Variants in NPSR1 observed in about 807,000 individuals in gnomAD.
The protein encoded by NPSR1 is neuropeptide S receptor.
Under a neutral mutation model 46.9 loss-of-function variants are expected in NPSR1, and 48 were observed. That is an observed-to-expected ratio of 1.02 (90% CI 0.81 to 1.30). NPSR1 has a LOEUF of 1.30. Among genes scored for constraint, NPSR1 ranks in the 50% most tolerant of loss-of-function variants. The probability of loss-of-function intolerance (pLI) is 0.00; values close to 1 mark genes in which losing one functional copy is unlikely to be tolerated. For synonymous variants in NPSR1, 176 were observed against 168.1 expected, an observed-to-expected ratio of 1.05 and a Z score of -0.36; for missense variants, 450 against 449.5, an observed-to-expected ratio of 1.00 and a Z score of -0.01.
intron 2 of NPSR1, among the ~76,000 whole-genome samples, chr7:34,732,340 C>T (rs1468665184): frequency 6.6e-6 from 1 of 152,134 alleles, no homozygotes; most frequent in Non-Finnish European, 1.5e-5. Context: ...GCCCAGCTCC[C>T]TTTCTCACTC....
chr7:34,676,109 A>C (rs1792303949), intron 1 of NPSR1, among the ~76,000 whole-genome samples: 1 of 152,172 alleles, frequency 6.6e-6, no homozygotes, highest in African/African-American at 2.4e-5. Flanking sequence ...GGTGAATTCA[A>C]GCATCACTCT....
At chr7:34,824,794 T>C (rs1372763971) in intron 4 of NPSR1, among the ~76,000 whole-genome samples, 1 of 152,068 alleles carries the variant, frequency 6.6e-6, no homozygotes, top group Non-Finnish European at 1.5e-5. Flanking sequence ...ATTCTAACCA[T>C]TGAAAGAACA....
chr7:34,869,407 C>T (rs570095724), intron 8 of NPSR1, among the ~76,000 whole-genome samples: 10 of 151,838 alleles, frequency 6.6e-5, no homozygotes, highest in African/African-American at 2.2e-4. Flanking sequence ...GCCTTTTCTC[C>T]GTTCCCACAC....
Position 34,682,996 on chromosome 7 carries a change from C to A in NPSR1, c.148-1556C>A, listed in dbSNP as rs570914387. 5.3e-5 allele frequency among the ~76,000 whole-genome samples: 8 copies of A among 152,294 alleles called. No homozygotes were observed. The South Asian group carries it at 6.2e-4, about 12-fold the overall frequency. On this transcript the variant is annotated intron_variant, in intron 1 of 8. Transcript: ENST00000360581. ...AGTTGTACAGCCCTCATCCTCCCCC[C>A]ACATCACCACAATGCCTATCCTCAT...
chr7:34,730,752 A>G (rs2128713508), intron 2 of NPSR1, among the ~76,000 whole-genome samples: 1 of 152,296 alleles, frequency 6.6e-6, no homozygotes, highest in South Asian at 2.1e-4. Context: ...ACTCTGTGAC[A>G]TTATAATCTA....
chr7:34,768,237 G>C (rs1786523149), intron 2 of NPSR1: 1 of 152,058 alleles, frequency 6.6e-6, no homozygotes, highest in African/African-American at 2.4e-5. Flanking sequence ...AAGCCAGCTG[G>C]GGGGACAACT....
chr7:34,811,955 T>C, intron 4 of NPSR1, 92 bp downstream of exon 4: 1 of 773,972 alleles, frequency 1.3e-6, no homozygotes, highest in South Asian at 1.6e-5. Context: ...TTAATAATAG[T>C]GATCTTCCTC....
chr7:34,763,946 A>AG (rs1786303975), intron 2 of NPSR1, among the ~76,000 whole-genome samples: 1 of 152,198 alleles, frequency 6.6e-6, no homozygotes, highest in Non-Finnish European at 1.5e-5. Flanking sequence ...AATAGAACTA[A>AG]GCTCAGGAGA....
At position 34,841,611 on chromosome 7, in the gene NPSR1, G is replaced by A. The variant is rs562304456; in HGVS notation, c.758-3285G>A. Among the ~76,000 whole-genome samples the A allele has an allele frequency of 5.9e-4, 90 of 152,298 alleles. 3 individuals are homozygous for A. In the South Asian group the frequency reaches 0.017, roughly 28 times the overall value. On this transcript the variant is annotated intron_variant, in intron 6 of 8. Transcript: ENST00000360581. ...AATAAAGGAGAATTACCAGCATTTC[G>A]TAGCTCAGCTCTCTCTGAAGGGCCA...
chr7:34,790,782 TGTTATATATATGTTATAG>T (rs1584026993), intron 3 of NPSR1, among the ~76,000 whole-genome samples: 3 of 130,478 alleles, frequency 2.3e-5, no homozygotes, highest in East Asian at 4.5e-4. Flanking sequence ...ATATGTTATA[TGTTATATATATGTTATAG>T]GTTATATGTT....
intron 2 of NPSR1, among the ~76,000 whole-genome samples, chr7:34,721,532 A>G (rs1323412051): frequency 6.6e-6 from 1 of 152,156 alleles, no homozygotes; most frequent in African/African-American, 2.4e-5. Flanking sequence ...TCATTCTCTC[A>G]ACTAACACTT....
chr7:34,867,917 G>A (rs568444638), intron 8 of NPSR1, among the ~76,000 whole-genome samples: 1 of 151,758 alleles, frequency 6.6e-6, no homozygotes, highest in African/African-American at 2.4e-5. Context: ...AATGGAGAAA[G>A]TCCAGCCAGT....
At chr7:34,700,891 C>G (rs1793794223) in intron 2 of NPSR1, among the ~76,000 whole-genome samples, 1 of 152,128 alleles carries the variant, frequency 6.6e-6, no homozygotes, top group South Asian at 2.1e-4. Context: ...TCAATAAATG[C>G]TAGCTGTGAA....
chr7:34,687,280 T>C (rs1299697681), intron 2 of NPSR1, among the ~76,000 whole-genome samples: 2 of 151,972 alleles, frequency 1.3e-5, no homozygotes, highest in African/African-American at 4.8e-5. Context: ...TGGCTAAAAA[T>C]AAATTATTCT....
intron 2 of NPSR1, among the ~76,000 whole-genome samples, chr7:34,717,997 G>A (rs1783661773): frequency 6.6e-6 from 1 of 152,156 alleles, no homozygotes; most frequent in African/African-American, 2.4e-5. Context: ...AAATCCAACT[G>A]TACCTTATCC....
intron 6 of NPSR1, among the ~76,000 whole-genome samples, chr7:34,840,900 C>T (rs930374015): frequency 1.3e-5 from 2 of 152,010 alleles, no homozygotes; most frequent in Non-Finnish European, 2.9e-5. Flanking sequence ...ACAAAGACAC[C>T]CTGGGAAGAA....
chr7:34,759,001 CT>C (rs1459175250), intron 2 of NPSR1, among the ~76,000 whole-genome samples: 2 of 152,230 alleles, frequency 1.3e-5, no homozygotes, highest in East Asian at 3.9e-4. Flanking sequence ...GTGATGTTTC[CT>C]TCTGAATAGA....
intron 5 of NPSR1, 40 bp downstream of exon 5, chr7:34,827,642 G>GGGGGGGGGGC: frequency 1.7e-6 from 1 of 605,470 alleles, no homozygotes; most frequent in Admixed American, 2.3e-5. Flanking sequence ...GGGGGGTGGG[G>GGGGGGGGGGC]CGGGGGGGGC....
intron 2 of NPSR1, among the ~76,000 whole-genome samples, chr7:34,777,813 T>A (rs1328490475): frequency 6.6e-6 from 1 of 152,138 alleles, no homozygotes; most frequent in African/African-American, 2.4e-5. Flanking sequence ...GCTTGTACAA[T>A]CTGTAACTAT....
Sources: allele counts gnomAD v4.1 joint callset (sites outside exome capture counted in the v4.1 genomes callset), GRCh38; gene constraint gnomAD v4.1.1; transcripts MANE v1.5; gene names NCBI Gene and HGNC (gene_info 2026-07-23, HGNC 2026-07-21).